The following RBFOX1 variants were observed in gnomAD, a reference collection of about 807,000 sequenced individuals.
RBFOX1 encodes the protein RNA binding fox-1 homolog 1, also known as RNA binding protein fox-1 homolog 1.
Under a neutral mutation model 57.7 loss-of-function variants are expected in RBFOX1, and 8 were observed. The ratio of observed to expected loss-of-function variants is 0.14; its 90% CI spans 0.08 to 0.25. The LOEUF (loss-of-function observed/expected upper bound fraction) is 0.25, where lower values mean the gene tolerates loss of function less well. Among genes scored for constraint, RBFOX1 ranks in the 10% least tolerant of loss-of-function variants. RBFOX1 has a pLI of 1.00. For synonymous variants in RBFOX1, 326 were observed against 222.4 expected, an observed-to-expected ratio of 1.47 and a Z score of -4.15; for missense variants, 611 against 548.5, an observed-to-expected ratio of 1.11 and a Z score of -1.14.
chr16:6,865,234 C>T (rs537447924), intron 3 of RBFOX1, among the ~76,000 whole-genome samples: 6 of 152,032 alleles, frequency 3.9e-5, no homozygotes, highest in Admixed American at 3.3e-4. Flanking sequence ...AACTCCTGAC[C>T]TCAGGTGATC....
At chr16:7,676,893 G>A (rs1331846733) in intron 14 of RBFOX1, 55 bp downstream of exon 14, 12 of 1,507,032 alleles carry the variant, frequency 8.0e-6, no homozygotes, top group East Asian at 2.3e-5. Flanking sequence ...CTTAGTTGAT[G>A]GGAGAGGAGA....
chr16:7,460,156 T>A (rs897677662), intron 4 of RBFOX1, among the ~76,000 whole-genome samples: 4 of 151,814 alleles, frequency 2.6e-5, no homozygotes, highest in African/African-American at 7.3e-5. Context: ...TTGTATTTGC[T>A]TATCCTCTTA....
At chr16:6,791,663 G>A (rs891717186) in intron 3 of RBFOX1, among the ~76,000 whole-genome samples, 1 of 152,180 alleles carries the variant, frequency 6.6e-6, no homozygotes, top group African/African-American at 2.4e-5. Flanking sequence ...GGAGGCTGAG[G>A]CAGGAGAATT....
At chr16:6,990,130 A>T (rs772614611) in intron 3 of RBFOX1, among the ~76,000 whole-genome samples, 1 of 152,236 alleles carries the variant, frequency 6.6e-6, no homozygotes, top group African/African-American at 2.4e-5. Flanking sequence ...AACAACTAGT[A>T]AACGTGCCCA....
intron 4 of RBFOX1, among the ~76,000 whole-genome samples, chr16:7,268,059 A>T (rs1489604038): frequency 6.6e-6 from 1 of 152,196 alleles, no homozygotes; most frequent in East Asian, 1.9e-4. Context: ...GATCTAGCTT[A>T]TTGCATCTAG....
chr16:7,058,073 T>G (rs2053025962), intron 4 of RBFOX1, among the ~76,000 whole-genome samples: 1 of 149,666 alleles, frequency 6.7e-6, no homozygotes, highest in African/African-American at 2.4e-5. Context: ...AATGTGGATA[T>G]CAGCTGAACA....
At chr16:7,049,576 G>C (rs1329258672) in intron 3 of RBFOX1, among the ~76,000 whole-genome samples, 1 of 152,100 alleles carries the variant, frequency 6.6e-6, no homozygotes, top group Non-Finnish European at 1.5e-5. Context: ...ATATGGCTGG[G>C]TGTCTGATTT....
chr16:6,977,093 T>TC lies in RBFOX1; in HGVS notation c.-15-74964_-15-74963insC, dbSNP rs542554673. 5.3e-3 allele frequency among the ~76,000 whole-genome samples: 749 copies of TC among 141,394 alleles called. 12 individuals are homozygous for TC. Among genetic ancestry groups the TC allele is most frequent in the African/African-American group, 0.018 (716 of 39,066 alleles). 92.8% of individuals were successfully genotyped at this position (141,394 alleles called of 152,430 possible). ...TTTATCATATATGATCTATATTTTA[T>TC]ATATATATCATATATATGATCTATA... On this transcript the variant is annotated intron_variant, in intron 3 of 15. Transcript: ENST00000550418.
intron 1 of RBFOX1, among the ~76,000 whole-genome samples, chr16:6,090,416 G>A (rs751785831): frequency 2.0e-5 from 3 of 152,168 alleles, no homozygotes; most frequent in African/African-American, 7.2e-5. Context: ...ACTCTTCTGA[G>A]TGTAGCAGCA....
chr16:5,766,468 C>T (rs2053782439), intron 3 of RBFOX1, among the ~76,000 whole-genome samples: 2 of 152,092 alleles, frequency 1.3e-5, no homozygotes, highest in Non-Finnish European at 2.9e-5. Context: ...GCCTGTAGTA[C>T]CAGCTACTTG....
At chr16:5,364,426 T>C (rs1030213966) in intron 1 of RBFOX1, among the ~76,000 whole-genome samples, 1 of 152,122 alleles carries the variant, frequency 6.6e-6, no homozygotes, top group African/African-American at 2.4e-5. Flanking sequence ...ACCTAAGAAA[T>C]ATTCCGGTTC....
intron 1 of RBFOX1, among the ~76,000 whole-genome samples, chr16:5,273,872 C>T (rs1189234369): frequency 9.9e-5 from 15 of 152,100 alleles, no homozygotes; most frequent in Non-Finnish European, 2.2e-4. Flanking sequence ...TACATAAGCC[C>T]ATGGAGAAGG....
intron 1 of RBFOX1, among the ~76,000 whole-genome samples, chr16:6,073,803 T>G (rs2095863921): frequency 6.6e-6 from 1 of 152,198 alleles, no homozygotes; most frequent in African/African-American, 2.4e-5. Context: ...TTTTTTTATT[T>G]GATAGGGCTC....
At chr16:7,375,511 T>G (rs546063734) in intron 4 of RBFOX1, among the ~76,000 whole-genome samples, 60 of 152,080 alleles carry the variant, frequency 3.9e-4, no homozygotes, top group African/African-American at 1.3e-3. Context: ...TTTTTGTTTT[T>G]TTTTTTTTTA....
intron 3 of RBFOX1, among the ~76,000 whole-genome samples, chr16:6,807,953 G>A (rs2087313986): frequency 6.8e-6 from 1 of 146,510 alleles, no homozygotes. Context: ...TGTAATATAT[G>A]CATTATATAT....
intron 2 of RBFOX1, among the ~76,000 whole-genome samples, chr16:5,506,605 A>G (rs937051303): frequency 3.9e-5 from 6 of 152,168 alleles, no homozygotes; most frequent in African/African-American, 1.4e-4. Flanking sequence ...ATGATAAATT[A>G]AACCTATTAA....
At chr16:6,043,363 G>A (rs939595410) in intron 1 of RBFOX1, among the ~76,000 whole-genome samples, 1 of 152,090 alleles carries the variant, frequency 6.6e-6, no homozygotes, top group Non-Finnish European at 1.5e-5. Context: ...CAGCTTTGCA[G>A]GGTCATTTCA....
At chr16:5,586,684 A>T (rs991304461) in intron 2 of RBFOX1, among the ~76,000 whole-genome samples, 1 of 152,114 alleles carries the variant, frequency 6.6e-6, no homozygotes, top group Non-Finnish European at 1.5e-5. Flanking sequence ...CTGCCTGTAG[A>T]GAGGGGAACT....
chr16:6,429,479 T>C (rs1263025318), intron 2 of RBFOX1, among the ~76,000 whole-genome samples: 2 of 152,248 alleles, frequency 1.3e-5, no homozygotes, highest in African/African-American at 4.8e-5. Flanking sequence ...CAGATGATTC[T>C]TCATTCATTC....
Sources: gnomAD v4.1 joint callset for allele counts (sites outside exome capture counted in the v4.1 genomes callset) on GRCh38, gnomAD v4.1.1 for gene constraint, MANE v1.5 for transcripts, NCBI Gene and HGNC (gene_info 2026-07-23, HGNC 2026-07-21) for gene names.